The following BRD3 variants were observed in gnomAD, a reference collection of about 807,000 sequenced individuals.
The protein encoded by BRD3 is bromodomain-containing protein 3.
In BRD3, 17 loss-of-function variants were observed where a neutral mutation model predicts 66.8. The observed-to-expected ratio is 0.25, with a 90% CI of 0.17 to 0.38. The LOEUF (loss-of-function observed/expected upper bound fraction) is 0.38, where lower values mean the gene tolerates loss of function less well. Among genes scored for constraint, BRD3 ranks in the 10% least tolerant of loss-of-function variants. The pLI is 1.00. For synonymous variants in BRD3, 421 were observed against 393.2 expected (o/e 1.07, Z -0.84); for missense variants, 713 against 956.1 (o/e 0.75, Z 3.35).
chr9:134,038,840 A>C (rs1321922641), intron 9 of BRD3, among the ~76,000 whole-genome samples: 1 of 152,170 alleles, frequency 6.6e-6, no homozygotes, highest in African/African-American at 2.4e-5. Context: ...AATCTGAAAA[A>C]ATCCAAAATC....
chr9:134,067,670 G>A (rs1830696653), intron 1 of BRD3, among the ~76,000 whole-genome samples: 1 of 146,524 alleles, frequency 6.8e-6, no homozygotes, highest in South Asian at 2.1e-4. Flanking sequence ...AGTCCGGGAC[G>A]GAGGCGGCCA....
intron 1 of BRD3, chr9:134,053,831 C>T (rs535043117): frequency 2.8e-4 from 78 of 282,776 alleles, no homozygotes; most frequent in African/African-American, 1.5e-3. Flanking sequence ...AAGGCCTGGG[C>T]GGTGGAGGGA....
At chr9:134,059,289 T>A (rs898490503) in intron 1 of BRD3, among the ~76,000 whole-genome samples, 11 of 152,180 alleles carry the variant, frequency 7.2e-5, no homozygotes, top group African/African-American at 2.7e-4. Flanking sequence ...CAACACACAC[T>A]CTGCATCCTG....
chr9:134,047,994 C>A lies in BRD3; in HGVS notation c.1086+89G>T. On this transcript the variant is annotated intron_variant, in intron 6 of 11. Transcript: ENST00000303407. ...CGGCAAGCGAGACCCTGCTCCCCGA[C>A]AGCCCCCACTCAGCCGGCACAAGAC... 2 of 1,429,466 alleles carry A rather than the reference C, an allele frequency of 1.4e-6. 1 individual carries two copies. The highest frequency in any genetic ancestry group is 5.0e-5 in the East Asian group (2 of 39,616). The allele number at this position is 1,429,466 out of a possible 1,614,324, so 88.5% of individuals were successfully genotyped here.
Position 134,033,768 on chromosome 9 carries a change from G to A in BRD3, c.2066-63C>T, listed in dbSNP as rs540138414. 3 of 673,476 alleles carry A rather than the reference G, an allele frequency of 4.5e-6. No individual in the cohort carries two copies. The South Asian group carries it at 4.7e-5, about 10-fold the overall frequency. 41.7% of individuals were successfully genotyped at this position (673,476 alleles called of 1,614,324 possible). A position where few individuals can be genotyped will look rare whatever the true frequency, so the allele number is the denominator to read the frequency against. ...CGCTTCTTGACCCGCTTGGCGGCAT[G>A]TCGTCCATGCCAGCGTGACACCATC... On this transcript the variant is annotated intron_variant, in intron 11 of 11. Transcript: ENST00000303407. This position sits in a 1 kb window ranked among gnomAD's most constrained non-coding sequence, Gnocchi z 5.1.
intron 4 of BRD3, 29 bp from the exon 5 acceptor site, chr9:134,050,617 C>T (rs371004282): frequency 3.9e-6 from 6 of 1,553,284 alleles, no homozygotes; most frequent in Non-Finnish European, 4.4e-6. Flanking sequence ...ATGTTCAACA[C>T]ACCAGGCTCC....
At chr9:134,065,770 G>A (rs1165816826) in intron 1 of BRD3, among the ~76,000 whole-genome samples, 3 of 152,190 alleles carry the variant, frequency 2.0e-5, no homozygotes, top group African/African-American at 7.2e-5. Flanking sequence ...AGGGAAAGTG[G>A]TGGCACTTCC....
At position 134,033,115 on chromosome 9, in the gene BRD3, C is replaced by T. The variant is rs1843540584; in HGVS notation, c.*475G>A. ...CAGCCCCTCCAGAAAGAGGTGGCCG[C>T]GTCAGACACGAGGGTCAGAGCTCGG... On this transcript the variant is annotated 3_prime_UTR_variant, in exon 12 of 12. Coordinates refer to ENST00000303407, the MANE Select transcript of BRD3 (RefSeq NM_007371.4). This position sits in a 1 kb window ranked among gnomAD's most constrained non-coding sequence, Gnocchi z 5.1. The T allele has an allele frequency of 5.0e-6, 2 of 399,582 alleles. No homozygotes were observed. The highest frequency in any genetic ancestry group is 3.6e-5 in the East Asian group (1 of 28,090). 24.8% of individuals were successfully genotyped at this position (399,582 alleles called of 1,614,324 possible).
At chr9:134,044,583 G>C (rs1164957980) in intron 7 of BRD3, among the ~76,000 whole-genome samples, 1 of 151,980 alleles carries the variant, frequency 6.6e-6, no homozygotes, top group Non-Finnish European at 1.5e-5. Flanking sequence ...AACCACCTGC[G>C]ATCACAATTA....
rs13285092 is a variant in BRD3, at chr9:134,066,030, T to C, written c.-114+1915A>G. Among the ~76,000 whole-genome samples, 1,373 of 152,336 alleles carry C rather than the reference T, an allele frequency of 9.0e-3. 8 individuals are homozygous for C. Among genetic ancestry groups the C allele is most frequent in the African/African-American group, 0.015 (621 of 41,584 alleles). On this transcript the variant is annotated intron_variant, in intron 1 of 11. Coordinates refer to ENST00000303407, the MANE Select transcript of BRD3 (RefSeq NM_007371.4). Reference sequence around the variant, plus strand: ...ACTCACTTCCGAAGCAGGCGCGAGCTGTTGTCAAAGGAAAGTAATTACTCT... The same window carrying C: ...ACTCACTTCCGAAGCAGGCGCGAGCCGTTGTCAAAGGAAAGTAATTACTCT...
chr9:134,067,409 GC>G (rs1229848825), intron 1 of BRD3, among the ~76,000 whole-genome samples: 1 of 150,492 alleles, frequency 6.6e-6, no homozygotes, highest in Non-Finnish European at 1.5e-5. Flanking sequence ...CCCAGCAACG[GC>G]TCGGGAGCGA....
In BRD3 at chr9:134,031,046, G is replaced by A. The variant is rs554802521; in HGVS notation, c.*2544C>T. ...GCGCTGAGGAAGTCATTAATCCTTCGAAACTCTGAAAAGAAACCAGTGTTG... is the reference window on the plus strand; with the variant it reads ...GCGCTGAGGAAGTCATTAATCCTTCAAAACTCTGAAAAGAAACCAGTGTTG... On this transcript the variant is annotated 3_prime_UTR_variant, in exon 12 of 12. Coordinates refer to ENST00000303407, the MANE Select transcript of BRD3 (RefSeq NM_007371.4). 4 of 230,684 alleles carry A rather than the reference G, an allele frequency of 1.7e-5. No homozygotes were observed. The highest frequency in any genetic ancestry group is 2.6e-5 in the Non-Finnish European group (3 of 116,464). 14.3% of individuals were successfully genotyped at this position (230,684 alleles called of 1,614,324 possible). A position where few individuals can be genotyped will look rare whatever the true frequency, so the allele number is the denominator to read the frequency against.
chr9:134,046,054 G>C (rs569094102), intron 6 of BRD3, among the ~76,000 whole-genome samples: 32 of 152,116 alleles, frequency 2.1e-4, no homozygotes, highest in Non-Finnish European at 4.0e-4. Flanking sequence ...ACGTTTACTC[G>C]GCCACACAGA....
At chr9:134,067,741 C>G (rs1300001073) in intron 1 of BRD3, among the ~76,000 whole-genome samples, 3 of 145,044 alleles carry the variant, frequency 2.1e-5, no homozygotes, top group Admixed American at 1.4e-4. Context: ...GCCGCCGCGA[C>G]CCCGGGCGGC....
chr9:134,051,878 T>TGTGTA (rs372701647), intron 3 of BRD3, among the ~76,000 whole-genome samples, 169 bp from the exon 4 acceptor site: 9 of 116,314 alleles, frequency 7.7e-5, no homozygotes, highest in African/African-American at 1.9e-4. Flanking sequence ...TGTGTGTGTG[T>TGTGTA]TGTTTTTTTT....
At chr9:134,063,936 C>T (rs998144093) in intron 1 of BRD3, among the ~76,000 whole-genome samples, 44 of 152,294 alleles carry the variant, frequency 2.9e-4, no homozygotes, top group African/African-American at 9.6e-4. Flanking sequence ...TAACTTCTGA[C>T]GAACTCAGTA....
At chr9:134,050,302 C>G in intron 5 of BRD3, 72 bp downstream of exon 5, 1 of 1,476,134 alleles carries the variant, frequency 6.8e-7, no homozygotes, top group South Asian at 1.2e-5. Context: ...CCCCCGCCTG[C>G]TGCTCCTGCC....
chr9:134,050,529 G>A lies in BRD3; in HGVS notation c.559C>T (p.Pro187Ser), dbSNP rs781497409. The change falls in exon 5 of 12, where the codon CCC becomes TCC. Residue 187 changes from proline (P) to serine (S), a missense_variant. Physicochemically the swap from Pro to Ser is moderately conservative, Grantham distance 74 (BLOSUM62 -1). Transcript: ENST00000303407. ...VSPATPFQSV[P>S]PTVSQTPVIA... ...ACGGGCGTCTGGGAGACGGTGGGGG[G>A]CACGCTCTGAAAGGGGGTCGCTGGG... 7 of 1,603,782 alleles carry A rather than the reference G, an allele frequency of 4.4e-6. No homozygotes were observed. Among genetic ancestry groups the A allele is most frequent in the East Asian group, 4.5e-5 (2 of 44,812 alleles).
rs752502651 is a variant in BRD3, at chr9:134,051,847, ATGTG to A, written c.352-142_352-139del. The A allele has an allele frequency of 3.9e-4, 201 of 516,430 alleles. 1 individual carries two copies. Among genetic ancestry groups the A allele is most frequent in the East Asian group, 1.4e-3 (26 of 18,998 alleles). 32.0% of individuals were successfully genotyped at this position (516,430 alleles called of 1,614,324 possible). A position where few individuals can be genotyped will look rare whatever the true frequency, so the allele number is the denominator to read the frequency against. On this transcript the variant is annotated intron_variant, in intron 3 of 11. Coordinates refer to ENST00000303407, the MANE Select transcript of BRD3 (RefSeq NM_007371.4). ...GCGCAGGAGAGAACAAAATGAATAT[ATGTG>A]TGTGTGTGTGTGTGTGTGTGTGTGT...
Sources: gnomAD v4.1 joint callset for allele counts (sites outside exome capture counted in the v4.1 genomes callset) on GRCh38, gnomAD v4.1.1 for gene constraint, Gnocchi (gnomAD v3.1) non-coding constraint, MANE v1.5 for transcripts, NCBI Gene and HGNC (gene_info 2026-07-23, HGNC 2026-07-21) for gene names.